PC: variants seen among roughly 807,000 people sequenced by gnomAD.
PC encodes the protein pyruvate carboxylase, mitochondrial.
In PC, 46 loss-of-function variants were observed where a neutral mutation model predicts 107.8. The ratio of observed to expected loss-of-function variants is 0.43; its 90% CI spans 0.34 to 0.55. The LOEUF is 0.55. Ranked by LOEUF, PC falls within the 20% of genes least tolerant of loss-of-function variation. The pLI is 0.04. For missense variants in PC, 1,241 were observed against 1,643.1 expected, an observed-to-expected ratio of 0.76 and a Z score of 4.23; for synonymous variants, 662 against 684.7, an observed-to-expected ratio of 0.97 and a Z score of 0.52.
intron 3 of PC, among the ~76,000 whole-genome samples, chr11:66,921,968 A>G (rs1293291387): frequency 3.9e-5 from 6 of 152,090 alleles, no homozygotes; most frequent in Admixed American, 3.9e-4. Flanking sequence ...CTGTGACATC[A>G]CTCGCAAGGA....
chr11:66,864,350 A>C (rs1232722973), intron 11 of PC, among the ~76,000 whole-genome samples: 1 of 152,226 alleles, frequency 6.6e-6, no homozygotes, highest in Non-Finnish European at 1.5e-5. Context: ...CACAGCACGG[A>C]TTGAGGTCTG....
chr11:66,917,854 A>G (rs1591280530), intron 3 of PC, among the ~76,000 whole-genome samples: 1 of 152,100 alleles, frequency 6.6e-6, no homozygotes. Flanking sequence ...CGGCACTCAT[A>G]CCCTGGGGTG....
At chr11:66,876,544 G>C (rs1463260044) in intron 3 of PC, among the ~76,000 whole-genome samples, 1 of 152,238 alleles carries the variant, frequency 6.6e-6, no homozygotes. Flanking sequence ...GAGGTGCCGG[G>C]AGCACCAGCG....
chr11:66,877,879 AT>A (rs1203344275), intron 3 of PC, among the ~76,000 whole-genome samples: 2 of 152,200 alleles, frequency 1.3e-5, no homozygotes, highest in Non-Finnish European at 2.9e-5. Context: ...GACTGCTTGC[AT>A]GCCACCCTCC....
At chr11:66,874,784 A>G (rs1946909727) in intron 3 of PC, among the ~76,000 whole-genome samples, 1 of 152,218 alleles carries the variant, frequency 6.6e-6, no homozygotes, top group African/African-American at 2.4e-5. Context: ...AGAACATTTC[A>G]GATCACAAGT....
In PC at chr11:66,851,129, C is replaced by T. The variant is rs185412729; in HGVS notation, c.2134G>A (p.Asp712Asn). The change falls in exon 17 of 23, where the codon GAC becomes AAC. Residue 712 changes from aspartate to asparagine, a missense_variant. Physicochemically the swap from Asp to Asn is conservative, Grantham distance 23 (BLOSUM62 1). Coordinates refer to ENST00000393960, the MANE Select transcript of PC (RefSeq NM_001040716.2). Reference protein sequence around the residue: ...AAISYTGDVADPSRTKYSLQY... With the variant: ...AAISYTGDVANPSRTKYSLQY... Reference sequence around the variant, plus strand: ...AGTGAGTACTTGGTGCGGCTGGGGTCGGCCACGTCGCCCGTGTATGAGATG... The same window carrying T: ...AGTGAGTACTTGGTGCGGCTGGGGTTGGCCACGTCGCCCGTGTATGAGATG... The T allele has an allele frequency of 2.2e-5, 35 of 1,612,736 alleles. No individual in the cohort carries two copies. Among genetic ancestry groups the T allele is most frequent in the Middle Eastern group, 1.6e-4 (1 of 6,062 alleles).
chr11:66,865,695 T>G (rs1273628197), intron 11 of PC, among the ~76,000 whole-genome samples: 1 of 152,104 alleles, frequency 6.6e-6, no homozygotes, highest in Non-Finnish European at 1.5e-5. Context: ...GTCTCCCTCC[T>G]GTGCCGCCAT....
At chr11:66,850,598 C>T in intron 18 of PC, 76 bp downstream of exon 18, 1 of 1,600,918 alleles carries the variant, frequency 6.2e-7, no homozygotes, top group Non-Finnish European at 8.5e-7. Flanking sequence ...GGATCCTAGG[C>T]AGGTCCAACA....
chr11:66,858,218 G>A lies in PC; in HGVS notation c.1369-4835C>T. 6.2e-7 allele frequency: 1 copy of A among 1,612,450 alleles called. No individual in the cohort carries two copies. Among genetic ancestry groups the A allele is most frequent in the Non-Finnish European group, 8.5e-7 (1 of 1,179,900 alleles). Reference sequence around the variant, plus strand: ...TGGACCTGTCCTACAACAACCTCCGGCAGGTGCCCTGGGCCGGCATCGGCG... The same window carrying A: ...TGGACCTGTCCTACAACAACCTCCGACAGGTGCCCTGGGCCGGCATCGGCG... On this transcript the variant is annotated intron_variant, in intron 12 of 22. Transcript: ENST00000393960. The surrounding 1 kb of genome is among the most constrained non-coding windows in gnomAD (Gnocchi z 5.9).
intron 3 of PC, among the ~76,000 whole-genome samples, chr11:66,932,160 G>A (rs1948874168): frequency 6.6e-6 from 1 of 152,106 alleles, no homozygotes; most frequent in Non-Finnish European, 1.5e-5. Context: ...GGGGAGAGAG[G>A]AAAAAGGAGA....
rs139740019 is a variant in PC, at chr11:66,849,725, A to G, written c.3033T>C (p.Ala1011=). The G allele has an allele frequency of 3.7e-5, 59 of 1,614,104 alleles. No homozygotes were observed. The highest frequency in any genetic ancestry group is 5.0e-5 in the Non-Finnish European group (59 of 1,180,054). The stretch of plus-strand genomic sequence containing the variant: ...AGTGGGCAAACACATCGGGGTACAT[A>G]GCTGCTGAGAGCACATCTTCCGGCG... ...EVTPEDVLSA[A]MYPDVFAHFK... The change falls in exon 21 of 23, where the codon GCT becomes GCC. Residue 1011 remains alanine (A), a synonymous_variant. Transcript: ENST00000393960.
rs1442262350 is a variant in PC, at chr11:66,936,248, C to A, written c.-1+16182G>T. 2.7e-5 allele frequency among the ~76,000 whole-genome samples: 4 copies of A among 147,848 alleles called. No individual in the cohort carries two copies. The East Asian group carries it at 7.9e-4, about 29-fold the overall frequency. ...CGTGACAGAGCAAGACCCTGTCACA[C>A]ACACACACAAAAAAAAGGTGGGGGG... On this transcript the variant is annotated intron_variant, in intron 3 of 22. Coordinates refer to ENST00000393960, the MANE Select transcript of PC (RefSeq NM_001040716.2).
At chr11:66,876,757 C>T (rs891136871) in intron 3 of PC, among the ~76,000 whole-genome samples, 9 of 152,198 alleles carry the variant, frequency 5.9e-5, no homozygotes, top group Admixed American at 1.3e-4. Flanking sequence ...GTGTAAATCT[C>T]ACCCTCCTCC....
At chr11:66,851,437 C>A (rs1158360893) in intron 16 of PC, among the ~76,000 whole-genome samples, 157 bp from the exon 17 acceptor site, 1 of 152,174 alleles carries the variant, frequency 6.6e-6, no homozygotes, top group East Asian at 1.9e-4. Flanking sequence ...GGGGTGGCCA[C>A]ACAAGTGTGG....
Position 66,871,125 on chromosome 11 carries a change from T to A in PC, c.560A>T (p.Tyr187Phe). ...CGCCTTGAAGATGATGGGGAAGCCG[T>A]AGGTGTTGGAGAACTCGTGGGCCTC... ...LHEAHEFSNT[Y>F]GFPIIFKAAY... is the part of the protein sequence containing the mutation. The change falls in exon 7 of 23, where the codon TAC becomes TTC. Residue 187 changes from tyrosine (Y) to phenylalanine (F), a missense_variant. Physicochemically the swap from Tyr to Phe is conservative, Grantham distance 22. Around this residue, in one of 2 missense-constraint regions of PC, gnomAD observed 1,143 missense variants for 1,551.9 expected, o/e 0.74. Transcript: ENST00000393960. The surrounding 1 kb of genome is among the most constrained non-coding windows in gnomAD (Gnocchi z 7.4). 6.2e-7 allele frequency: 1 copy of A among 1,613,826 alleles called. No individual in the cohort carries two copies.
At chr11:66,947,103 A>G (rs1183692372) in intron 3 of PC, among the ~76,000 whole-genome samples, 1 of 152,164 alleles carries the variant, frequency 6.6e-6, no homozygotes, top group Non-Finnish European at 1.5e-5. Flanking sequence ...ACATACATAC[A>G]GCTACCACAG....
intron 3 of PC, among the ~76,000 whole-genome samples, chr11:66,884,240 ATCTC>A (rs1947282294): frequency 7.0e-6 from 1 of 143,872 alleles, no homozygotes. Context: ...GCAAAACTCC[ATCTC>A]AAAAAAAAAA....
intron 3 of PC, among the ~76,000 whole-genome samples, chr11:66,895,668 G>C (rs1947732935): frequency 6.6e-6 from 1 of 151,914 alleles, no homozygotes; most frequent in Non-Finnish European, 1.5e-5. Context: ...AAATCTTCTA[G>C]AAACTGAAGA....
At chr11:66,899,357 T>C (rs1378057158) in intron 3 of PC, among the ~76,000 whole-genome samples, 1 of 152,110 alleles carries the variant, frequency 6.6e-6, no homozygotes, top group East Asian at 1.9e-4. Context: ...TTGCAGTCAA[T>C]GATGAAATGC....
Sources: allele counts gnomAD v4.1 joint callset (sites outside exome capture counted in the v4.1 genomes callset), GRCh38; gene constraint gnomAD v4.1.1; regional missense constraint gnomAD v4.1.1; non-coding constraint Gnocchi (gnomAD v3.1); transcripts MANE v1.5; gene names NCBI Gene and HGNC (gene_info 2026-07-23, HGNC 2026-07-21).